HSPA4: variants seen among roughly 807,000 people sequenced by gnomAD.
The protein encoded by HSPA4 is heat shock 70 kDa protein 4.
In HSPA4, 25 loss-of-function variants were observed where a neutral mutation model predicts 106.2. That is an observed-to-expected ratio of 0.24 (90% CI 0.17 to 0.33). The LOEUF is 0.33. HSPA4 is among the 10% of genes least tolerant of loss of function. The pLI is 1.00. For missense variants in HSPA4, 841 were observed against 996.0 expected, an observed-to-expected ratio of 0.84 and a Z score of 2.10; for synonymous variants, 332 against 333.6, an observed-to-expected ratio of 1.00 and a Z score of 0.05.
In HSPA4 at chr5:133,090,430, C is replaced by CAAAAA. The variant is rs56263518; in HGVS notation, c.1379-742_1379-738dup. Among the ~76,000 whole-genome samples, 67 of 54,872 alleles carry CAAAAA rather than the reference C, an allele frequency of 1.2e-3. 6 individuals are homozygous for CAAAAA. The highest frequency in any genetic ancestry group is 4.0e-3 in the East Asian group (6 of 1,490). The allele number at this position is 54,872 out of a possible 152,430, so 36.0% of individuals were successfully genotyped here. On this transcript the variant is annotated intron_variant, in intron 11 of 18. Coordinates refer to ENST00000304858, the MANE Select transcript of HSPA4 (RefSeq NM_002154.4). ...TAGGCGACAGAGCGAGACTCTGTCT[C>CAAAAA]AAAAAAAAAAAAAAAAAAAAAAAAA...
chr5:133,064,675 T>G (rs924812071), intron 1 of HSPA4, among the ~76,000 whole-genome samples: 1 of 152,218 alleles, frequency 6.6e-6, no homozygotes, highest in African/African-American at 2.4e-5. Context: ...TATTTTATAC[T>G]GGGATTTTGA....
At chr5:133,095,828 A>G (rs984711360) in intron 13 of HSPA4, among the ~76,000 whole-genome samples, 1 of 152,136 alleles carries the variant, frequency 6.6e-6, no homozygotes, top group African/African-American at 2.4e-5. Flanking sequence ...CTGAAACTCT[A>G]TACCCATTAA....
chr5:133,073,957 AC>A, intron 5 of HSPA4, 35 bp from the exon 6 acceptor site: 2 of 1,453,274 alleles, frequency 1.4e-6, no homozygotes, highest in Non-Finnish European at 1.9e-6. Context: ...ATTTACTTAG[AC>A]GTTATTTTTA....
chr5:133,052,101 C>T lies in HSPA4; in HGVS notation c.-150C>T. On this transcript the variant is annotated 5_prime_UTR_variant, in exon 1 of 19. Coordinates refer to ENST00000304858, the MANE Select transcript of HSPA4 (RefSeq NM_002154.4). ...GCAGCGCTCTCGGTTGCAGTACCCA[C>T]TGGAAGGACTTAGGCGCTCGCGTGG... The T allele has an allele frequency of 3.3e-6, 2 of 599,816 alleles. No homozygotes were observed. The highest frequency in any genetic ancestry group is 3.0e-5 in the East Asian group (1 of 33,706). 37.2% of individuals were successfully genotyped at this position (599,816 alleles called of 1,614,324 possible).
At chr5:133,070,871 C>A (rs575093481) in intron 4 of HSPA4, among the ~76,000 whole-genome samples, 13 of 152,056 alleles carry the variant, frequency 8.5e-5, no homozygotes, top group African/African-American at 3.1e-4. Context: ...CATTGCACTT[C>A]GGCCTGGGTG....
At chr5:133,073,947 A>T in intron 5 of HSPA4, 46 bp from the exon 6 acceptor site, 1 of 1,372,390 alleles carries the variant, frequency 7.3e-7, no homozygotes, top group Non-Finnish European at 9.8e-7. Flanking sequence ...AATGAATTTT[A>T]TTTACTTAGA....
At chr5:133,070,872 G>A (rs1581469093) in intron 4 of HSPA4, among the ~76,000 whole-genome samples, 1 of 151,926 alleles carries the variant, frequency 6.6e-6, no homozygotes, top group Non-Finnish European at 1.5e-5. Flanking sequence ...ATTGCACTTC[G>A]GCCTGGGTGA....
intron 15 of HSPA4, among the ~76,000 whole-genome samples, chr5:133,097,553 T>TC (rs895880493): frequency 4.0e-5 from 6 of 149,628 alleles, no homozygotes; most frequent in African/African-American, 9.8e-5. Flanking sequence ...TCTTTTCTTT[T>TC]TTTTTTTTTT....
intron 16 of HSPA4, among the ~76,000 whole-genome samples, chr5:133,099,985 T>C (rs1765764325): frequency 6.6e-6 from 1 of 152,206 alleles, no homozygotes; most frequent in Non-Finnish European, 1.5e-5. Flanking sequence ...TGTTTCTGTT[T>C]ATGTAGTTTG....
chr5:133,104,920 C>G lies in HSPA4; in HGVS notation c.*484C>G, dbSNP rs953161260. The stretch of plus-strand genomic sequence containing the variant: ...GAGCATGGCACGGCATGGATTAACA[C>G]GGCAGAGGAACAAAGGTGTGCTCTG... On this transcript the variant is annotated 3_prime_UTR_variant, in exon 19 of 19. Coordinates refer to ENST00000304858, the MANE Select transcript of HSPA4 (RefSeq NM_002154.4). 6.2e-6 allele frequency: 1 copy of G among 160,890 alleles called. No individual in the cohort carries two copies. The highest frequency in any genetic ancestry group is 1.8e-4 in the East Asian group (1 of 5,414). The allele number at this position is 160,890 out of a possible 1,614,324, so 10.0% of individuals were successfully genotyped here.
At position 133,089,574 on chromosome 5, in the gene HSPA4, C is replaced by T; in HGVS notation, c.1257C>T (p.Val419=). ...PAEEGSSDCE[V]FSKNHAAPFS... Reference sequence around the variant, plus strand: ...TTCCTCCATTCAGTGACTGTGAAGTCTTTTCCAAAAATCATGCTGCTCCTT... The same window carrying T: ...TTCCTCCATTCAGTGACTGTGAAGTTTTTTCCAAAAATCATGCTGCTCCTT... Residue 419 remains valine, a synonymous_variant, in exon 11 of 19, where the codon GTC becomes GTT. Transcript: ENST00000304858. 6.2e-7 allele frequency: 1 copy of T among 1,613,268 alleles called. No homozygotes were observed. Among genetic ancestry groups the T allele is most frequent in the African/African-American group, 1.3e-5 (1 of 74,958 alleles).
At position 133,086,684 on chromosome 5, in the gene HSPA4, CTTG is replaced by C. The variant is rs563675689; in HGVS notation, c.909-92_909-90del. 455 of 819,410 alleles carry C rather than the reference CTTG, an allele frequency of 5.6e-4. 2 individuals carry two copies. The African/African-American group carries it at 6.6e-3, about 12-fold the overall frequency. 50.8% of individuals were successfully genotyped at this position (819,410 alleles called of 1,614,324 possible). ...CCACTGTCTCCACATTTTGCCAGCA[CTTG>C]TTGTTACCTGTTTTTTATTATAGCC... On this transcript the variant is annotated intron_variant, in intron 7 of 18. Coordinates refer to ENST00000304858, the MANE Select transcript of HSPA4 (RefSeq NM_002154.4).
At chr5:133,085,073 C>T (rs911834989) in intron 7 of HSPA4, among the ~76,000 whole-genome samples, 14 of 152,098 alleles carry the variant, frequency 9.2e-5, no homozygotes, top group African/African-American at 2.9e-4. Flanking sequence ...GTTGGGACTA[C>T]AGGCGTGAGC....
At chr5:133,062,577 T>A (rs1246010350) in intron 1 of HSPA4, among the ~76,000 whole-genome samples, 1 of 152,180 alleles carries the variant, frequency 6.6e-6, no homozygotes, top group Non-Finnish European at 1.5e-5. Context: ...TTTTTTTTAT[T>A]TATTTGCATC....
At position 133,104,636 on chromosome 5, in the gene HSPA4, T is replaced by C; in HGVS notation, c.*200T>C. The C allele has an allele frequency of 1.8e-6, 1 of 562,450 alleles. No individual in the cohort carries two copies. The highest frequency in any genetic ancestry group is 3.2e-6 in the Non-Finnish European group (1 of 316,478). The allele number at this position is 562,450 out of a possible 1,614,324, so 34.8% of individuals were successfully genotyped here. On this transcript the variant is annotated 3_prime_UTR_variant, in exon 19 of 19. Transcript: ENST00000304858. ...TACAGAAATTAAGTGCATTGTATCTTTTTCATAATGGTACTATTTAGAAGC... is the reference window on the plus strand; with the variant it reads ...TACAGAAATTAAGTGCATTGTATCTCTTTCATAATGGTACTATTTAGAAGC...
At chr5:133,071,581 G>C (rs924907768) in intron 4 of HSPA4, among the ~76,000 whole-genome samples, 18 of 152,234 alleles carry the variant, frequency 1.2e-4, no homozygotes, top group Non-Finnish European at 2.5e-4. Context: ...GTTGAAATAT[G>C]TGTGGTTACA....
intron 7 of HSPA4, among the ~76,000 whole-genome samples, chr5:133,077,570 C>G (rs910335367): frequency 1.3e-5 from 2 of 152,104 alleles, no homozygotes; most frequent in Admixed American, 1.3e-4. Context: ...TTCGGGTTCA[C>G]TTGAGGGTGA....
At chr5:133,071,151 T>A (rs934341079) in intron 4 of HSPA4, among the ~76,000 whole-genome samples, 3 of 152,052 alleles carry the variant, frequency 2.0e-5, no homozygotes, top group Non-Finnish European at 4.4e-5. Context: ...TATTTGTATT[T>A]GCTGTTGGTA....
In HSPA4 at chr5:133,052,030, C is replaced by A; in HGVS notation, c.-221C>A. 1.9e-6 allele frequency: 1 copy of A among 537,478 alleles called. No homozygotes were observed. The highest frequency in any genetic ancestry group is 3.3e-6 in the Non-Finnish European group (1 of 303,194). The allele number at this position is 537,478 out of a possible 1,614,324, so 33.3% of individuals were successfully genotyped here. Reference sequence around the variant, plus strand: ...GATCTTTCGAGATCTTCTCCGCCCCCGCTACCGGCGCCTCCTCTGCGGCCA... The same window carrying A: ...GATCTTTCGAGATCTTCTCCGCCCCAGCTACCGGCGCCTCCTCTGCGGCCA... On this transcript the variant is annotated 5_prime_UTR_variant, in exon 1 of 19. Coordinates refer to ENST00000304858, the MANE Select transcript of HSPA4 (RefSeq NM_002154.4).
Sources: gnomAD v4.1 joint callset for allele counts (sites outside exome capture counted in the v4.1 genomes callset) on GRCh38, gnomAD v4.1.1 for gene constraint, MANE v1.5 for transcripts, NCBI Gene and HGNC (gene_info 2026-07-23, HGNC 2026-07-21) for gene names.